Variants in ARHGAP6 observed in about 807,000 individuals in gnomAD.
The protein encoded by ARHGAP6 is rho GTPase-activating protein 6.
In ARHGAP6, 16 loss-of-function variants were observed where a neutral mutation model predicts 55.7. The ratio of observed to expected loss-of-function variants is 0.29; its 90% CI spans 0.19 to 0.44. ARHGAP6 has a LOEUF of 0.44. Among genes scored for constraint, ARHGAP6 ranks in the 20% least tolerant of loss-of-function variants. The pLI is 1.00. For missense variants in ARHGAP6, 698 were observed against 808.9 expected (o/e 0.86, Z 1.66); for synonymous variants, 382 against 360.9 (o/e 1.06, Z -0.66).
intron 1 of ARHGAP6, among the ~76,000 whole-genome samples, chrX:11,593,425 T>C (rs2051862618): frequency 8.9e-6 from 1 of 112,102 alleles, no homozygotes; most frequent in African/African-American, 3.2e-5. Context: ...AGATCATTGG[T>C]TACCAGACTT....
At chrX:11,230,968 G>A (rs1034565841) in intron 2 of ARHGAP6, among the ~76,000 whole-genome samples, 11 of 109,602 alleles carry the variant, frequency 1.0e-4, no homozygotes, top group Non-Finnish European at 1.7e-4. Flanking sequence ...GATTACTTCA[G>A]GGTTCACTCT....
Position 11,388,920 on chromosome X carries a change from C to G in ARHGAP6, c.589-134213G>C, listed in dbSNP as rs188149007. On this transcript the variant is annotated intron_variant, in intron 1 of 12. Coordinates refer to ENST00000337414, the MANE Select transcript of ARHGAP6 (RefSeq NM_013427.3). Reference sequence around the variant, plus strand: ...TTCACACTGAAAACAATTCACTCAGCCACAAAATAAAAGCTAGCAACACGG... The same window carrying G: ...TTCACACTGAAAACAATTCACTCAGGCACAAAATAAAAGCTAGCAACACGG... Among the ~76,000 whole-genome samples, 180 of 111,947 alleles carry G rather than the reference C, an allele frequency of 1.6e-3. 3 individuals are homozygous for G. The highest frequency in any genetic ancestry group is 1.2e-3 in the Non-Finnish European group (63 of 53,143).
chrX:11,143,472 G>A (rs1308760189), intron 11 of ARHGAP6: 1 of 679,955 alleles, frequency 1.5e-6, no homozygotes, highest in East Asian at 1.4e-4. Context: ...GATCCTGCAG[G>A]TTGAAAGTGG....
chrX:11,598,476 T>C (rs2051929340), intron 1 of ARHGAP6, among the ~76,000 whole-genome samples: 1 of 112,070 alleles, frequency 8.9e-6, no homozygotes, highest in African/African-American at 3.2e-5. Context: ...ACCCAATAGG[T>C]AGTTTTTCAA....
chrX:11,141,762 T>G (rs2045622103), intron 12 of ARHGAP6, among the ~76,000 whole-genome samples: 1 of 112,358 alleles, frequency 8.9e-6, no homozygotes, highest in African/African-American at 3.2e-5. Context: ...CGCACTTCCC[T>G]GTTTGGGATT....
At position 11,557,073 on chromosome X, in the gene ARHGAP6, C is replaced by T. The variant is rs143152468; in HGVS notation, c.588+107168G>A. On this transcript the variant is annotated intron_variant, in intron 1 of 12. Coordinates refer to ENST00000337414, the MANE Select transcript of ARHGAP6 (RefSeq NM_013427.3). The stretch of plus-strand genomic sequence containing the variant: ...CATAAAGTTACTAAAAACTGAGCTT[C>T]GATAAAATTAAAATGAAGAGGAAGA... Among the ~76,000 whole-genome samples the T allele has an allele frequency of 5.4e-3, 601 of 111,502 alleles. 2 individuals carry two copies. The highest frequency in any genetic ancestry group is 0.019 in the African/African-American group (572 of 30,679).
chrX:11,569,584 C>A (rs1222568218), intron 1 of ARHGAP6, among the ~76,000 whole-genome samples: 1 of 111,940 alleles, frequency 8.9e-6, no homozygotes, highest in East Asian at 2.8e-4. Context: ...TATTGGACCA[C>A]TGCGCATTTC....
chrX:11,217,002 G>A (rs1274421804), intron 2 of ARHGAP6, among the ~76,000 whole-genome samples: 1 of 111,436 alleles, frequency 9.0e-6, no homozygotes, highest in Non-Finnish European at 1.9e-5. Context: ...TGCTGAGAAT[G>A]ATGGTTTCCA....
chrX:11,241,577 CGT>C (rs1555975292), intron 2 of ARHGAP6, among the ~76,000 whole-genome samples: 4 of 100,705 alleles, frequency 4.0e-5, no homozygotes, highest in African/African-American at 1.1e-4. Flanking sequence ...TGTGTGTGCG[CGT>C]GTGTCATCTT....
intron 1 of ARHGAP6, among the ~76,000 whole-genome samples, chrX:11,380,366 C>T (rs1338586574): frequency 8.9e-6 from 1 of 111,853 alleles, no homozygotes; most frequent in Non-Finnish European, 1.9e-5. Context: ...ACTGATTTCC[C>T]CATGAGTCAC....
At chrX:11,471,124 A>G (rs890857524) in intron 1 of ARHGAP6, among the ~76,000 whole-genome samples, 3 of 112,108 alleles carry the variant, frequency 2.7e-5, no homozygotes, top group African/African-American at 9.7e-5. Flanking sequence ...GAAACTGGGT[A>G]CAGGGTATAC....
chrX:11,196,689 C>T (rs2046545871), intron 3 of ARHGAP6, among the ~76,000 whole-genome samples: 1 of 111,524 alleles, frequency 9.0e-6, no homozygotes, highest in Admixed American at 9.5e-5. Flanking sequence ...ATAATTGGAA[C>T]CACAAACTTG....
intron 1 of ARHGAP6, among the ~76,000 whole-genome samples, chrX:11,615,670 A>G (rs1601701061): frequency 8.9e-6 from 1 of 112,346 alleles, no homozygotes. Context: ...GCATTAAAAA[A>G]TAAGTTAAAT....
At chrX:11,553,039 A>C (rs1178015573) in intron 1 of ARHGAP6, among the ~76,000 whole-genome samples, 1 of 111,348 alleles carries the variant, frequency 9.0e-6, no homozygotes, top group African/African-American at 3.3e-5. Flanking sequence ...TGATTTAGTC[A>C]TTCAAAAATG....
At chrX:11,440,160 A>G (rs1224197172) in intron 1 of ARHGAP6, among the ~76,000 whole-genome samples, 1 of 112,360 alleles carries the variant, frequency 8.9e-6, no homozygotes, top group Non-Finnish European at 1.9e-5. Flanking sequence ...ACATCCTATT[A>G]TTCTTCCTTG....
At chrX:11,260,325 G>A (rs2087965503) in intron 1 of ARHGAP6, among the ~76,000 whole-genome samples, 1 of 111,108 alleles carries the variant, frequency 9.0e-6, no homozygotes, top group Non-Finnish European at 1.9e-5. Flanking sequence ...AAGAGTAAGG[G>A]GGAGCATTAG....
chrX:11,320,234 C>A (rs1175644385), intron 1 of ARHGAP6, among the ~76,000 whole-genome samples: 4 of 111,736 alleles, frequency 3.6e-5, no homozygotes, highest in Non-Finnish European at 3.8e-5. Context: ...CAGATGCCAA[C>A]CCTAACCTAA....
chrX:11,408,332 G>A lies in ARHGAP6; in HGVS notation c.589-153625C>T, dbSNP rs190936253. Among the ~76,000 whole-genome samples the A allele has an allele frequency of 3.7e-3, 413 of 111,216 alleles. 1 individual carries two copies. Among genetic ancestry groups the A allele is most frequent in the Middle Eastern group, 0.014 (3 of 218 alleles). ...GTGGCAAACGTTGTATAAGCCTCAC[G>A]GGTGAACTACAATATTGGTTATTCT... is the stretch of plus-strand genomic sequence containing the variant. On this transcript the variant is annotated intron_variant, in intron 1 of 12. Coordinates refer to ENST00000337414, the MANE Select transcript of ARHGAP6 (RefSeq NM_013427.3).
At chrX:11,266,037 G>GCC (rs1442000817) in intron 1 of ARHGAP6, 50 of 92,407 alleles carry the variant, frequency 5.4e-4, no homozygotes, top group African/African-American at 2.9e-3. Context: ...GTGTGCCTGT[G>GCC]TGTGTGTGTG....
Sources: allele counts gnomAD v4.1 joint callset (sites outside exome capture counted in the v4.1 genomes callset), GRCh38; gene constraint gnomAD v4.1.1; transcripts MANE v1.5; gene names NCBI Gene and HGNC (gene_info 2026-07-23, HGNC 2026-07-21).